The following RAB26 variants were observed in gnomAD, a reference collection of about 807,000 sequenced individuals.
RAB26 encodes the protein ras-related protein Rab-26.
RAB26 carries 39 observed loss-of-function variants against 33.1 expected under a neutral mutation model. That is an observed-to-expected ratio of 1.18 (90% confidence interval 0.91 to 1.54). The LOEUF (loss-of-function observed/expected upper bound fraction) is 1.54. RAB26 is among the 40% of genes most tolerant of loss of function. RAB26 has a pLI of 0.00. For missense variants in RAB26, 468 were observed against 362.9 expected (o/e 1.29, Z -2.35); for synonymous variants, 192 against 151.9 (o/e 1.26, Z -1.94).
intron 5 of RAB26, among the ~76,000 whole-genome samples, chr16:2,152,507 T>G (rs1320895320): frequency 2.6e-5 from 4 of 151,956 alleles, no homozygotes; most frequent in Non-Finnish European, 5.9e-5. Flanking sequence ...CCGTCTCTAC[T>G]AAAGATACAA....
Position 2,148,826 on chromosome 16 carries a change from C to A in RAB26, c.43C>A (p.Pro15Thr), listed in dbSNP as rs867738441. ...KTPKSKGAST[P>T]AASTLPTANG... ...CCCCAAGAGCAAAGGGGCCAGCACC[C>A]CCGCTGCCTCCACGCTGCCCACCGC... Residue 15 changes from proline to threonine, a missense_variant, in exon 1 of 9, where the codon CCC becomes ACC. Physicochemically the swap from Pro to Thr is conservative, Grantham distance 38 (BLOSUM62 -1). Coordinates refer to ENST00000210187, the MANE Select transcript of RAB26 (RefSeq NM_014353.5). 7.1e-7 allele frequency: 1 copy of A among 1,415,644 alleles called. No individual in the cohort carries two copies. Among genetic ancestry groups the A allele is most frequent in the East Asian group, 3.0e-5 (1 of 33,506 alleles). The allele number at this position is 1,415,644 out of a possible 1,614,324, so 87.7% of individuals were successfully genotyped here. A position where few individuals can be genotyped will look rare whatever the true frequency, so the allele number is the denominator to read the frequency against.
Position 2,154,145 on chromosome 16 carries a change from C to G in RAB26, c.*724C>G, listed in dbSNP as rs1000372390. On this transcript the variant is annotated 3_prime_UTR_variant, in exon 9 of 9. Coordinates refer to ENST00000210187, the MANE Select transcript of RAB26 (RefSeq NM_014353.5). ...AATAAAGTTGTGTTTTCTGGAGCGT[C>G]TGTCTCATCTGTTGAAAAAAATCCA... The G allele has an allele frequency of 8.6e-5, 24 of 278,438 alleles. No homozygotes were observed. The highest frequency in any genetic ancestry group is 7.2e-5 in the Non-Finnish European group (10 of 139,704). 17.2% of individuals were successfully genotyped at this position (278,438 alleles called of 1,614,324 possible). A position where few individuals can be genotyped will look rare whatever the true frequency, so the allele number is the denominator to read the frequency against.
chr16:2,150,683 G>C (rs189898935), intron 2 of RAB26, among the ~76,000 whole-genome samples: 2 of 152,272 alleles, frequency 1.3e-5, no homozygotes, highest in African/African-American at 4.8e-5. Flanking sequence ...AGTGCCCGAG[G>C]GGGGCAGGCC....
In RAB26 at chr16:2,153,824, G is replaced by C. The variant is rs62038840; in HGVS notation, c.*403G>C. ...CAGCTAAGGGAGGACGCCTGCCCAC[G>C]CCTGGGACAGAAGGCTTCACTGCTA... On this transcript the variant is annotated 3_prime_UTR_variant, in exon 9 of 9. Transcript: ENST00000210187. 2 of 464,532 alleles carry C rather than the reference G, an allele frequency of 4.3e-6. No individual in the cohort carries two copies. The highest frequency in any genetic ancestry group is 4.3e-6 in the Non-Finnish European group (1 of 232,792). The allele number at this position is 464,532 out of a possible 1,614,324, so 28.8% of individuals were successfully genotyped here.
rs761330239 is a variant in RAB26, at chr16:2,150,014, C to A, written c.269C>A (p.Ala90Glu). Residue 90 changes from alanine (A) to glutamate (E), a missense_variant, in exon 2 of 9, where the codon GCG (alanine) becomes GAG (glutamate). Transcript: ENST00000210187. ...CGATTCAAGGATGGTGCTTTCCTGGCGGGGACCTTCATCTCCACCGTAGGC... is the reference window on the plus strand; with the variant it reads ...CGATTCAAGGATGGTGCTTTCCTGGAGGGGACCTTCATCTCCACCGTAGGC... ...LVRFKDGAFL[A>E]GTFISTVGID... The A allele has an allele frequency of 1.9e-6, 3 of 1,544,730 alleles. No individual in the cohort carries two copies. The highest frequency in any genetic ancestry group is 2.0e-5 in the Admixed American group (1 of 50,166).
At chr16:2,152,160 G>A (rs2093007165) in intron 5 of RAB26, among the ~76,000 whole-genome samples, 1 of 152,244 alleles carries the variant, frequency 6.6e-6, no homozygotes, top group Non-Finnish European at 1.5e-5. Flanking sequence ...CACTTCTAAA[G>A]ACAGGTATCC....
chr16:2,150,022 T>G lies in RAB26; in HGVS notation c.277T>G (p.Phe93Val), dbSNP rs1360235283. The change falls in exon 2 of 9, where the codon TTC becomes GTC. Residue 93 changes from phenylalanine (F) to valine (V), a missense_variant. Transcript: ENST00000210187. ...GGATGGTGCTTTCCTGGCGGGGACCTTCATCTCCACCGTAGGCATTGACTT... is the reference window on the plus strand; with the variant it reads ...GGATGGTGCTTTCCTGGCGGGGACCGTCATCTCCACCGTAGGCATTGACTT... ...FKDGAFLAGT[F>V]ISTVGIDFRN... The G allele has an allele frequency of 6.5e-7, 1 of 1,544,372 alleles. No homozygotes were observed. Among genetic ancestry groups the G allele is most frequent in the Non-Finnish European group, 8.7e-7 (1 of 1,143,542 alleles).
At chr16:2,151,106 C>T in intron 2 of RAB26, 1 of 414,074 alleles carries the variant, frequency 2.4e-6, no homozygotes, top group South Asian at 1.7e-5. Flanking sequence ...CAAGGAGTGG[C>T]TTTAATTTTT....
Position 2,153,240 on chromosome 16 carries a change from C to G in RAB26, c.668+18C>G. 1.2e-6 allele frequency: 2 copies of G among 1,613,568 alleles called. No individual in the cohort carries two copies. The highest frequency in any genetic ancestry group is 1.7e-6 in the Non-Finnish European group (2 of 1,179,844). On this transcript the variant is annotated intron_variant, in intron 8 of 8. Transcript: ENST00000210187. ...ATAGCAAAGTAAGTCCTGCCAGTCA[C>G]CAGGACTCCCCCAGCCCAGGGCCTG...
intron 7 of RAB26, 36 bp from the exon 8 acceptor site, chr16:2,153,110 C>T: frequency 6.2e-7 from 1 of 1,613,178 alleles, no homozygotes; most frequent in East Asian, 2.2e-5. Flanking sequence ...GCTGTCCCCG[C>T]CAGGCCACCA....
In RAB26 at chr16:2,152,030, C is replaced by G. The variant is rs1268114253; in HGVS notation, c.468+122C>G. 5 of 1,375,446 alleles carry G rather than the reference C, an allele frequency of 3.6e-6. No homozygotes were observed. The East Asian group carries it at 1.2e-4, about 34-fold the overall frequency. The allele number at this position is 1,375,446 out of a possible 1,614,324, so 85.2% of individuals were successfully genotyped here. On this transcript the variant is annotated intron_variant, in intron 5 of 8. Transcript: ENST00000210187. ...GCTGAGAGAGGGGAGGGGGAAATGA[C>G]AGCCTTCTGGGCTGGAGGTGGCCCA...
intron 1 of RAB26, among the ~76,000 whole-genome samples, chr16:2,149,697 G>A (rs373481305): frequency 6.6e-6 from 1 of 152,178 alleles, no homozygotes; most frequent in African/African-American, 2.4e-5. Flanking sequence ...CGTTAGGGAG[G>A]GTCCGGGATG....
chr16:2,153,257 C>A (rs2093012683), intron 8 of RAB26, 35 bp downstream of exon 8: 1 of 1,613,512 alleles, frequency 6.2e-7, no homozygotes, highest in East Asian at 2.2e-5. Context: ...TCCCCCAGCC[C>A]AGGGCCTGAA....
chr16:2,153,238 C>A lies in RAB26; in HGVS notation c.668+16C>A. The A allele has an allele frequency of 6.2e-7, 1 of 1,613,590 alleles. No homozygotes were observed. Among genetic ancestry groups the A allele is most frequent in the Non-Finnish European group, 8.5e-7 (1 of 1,179,860 alleles). ...CCATAGCAAAGTAAGTCCTGCCAGTCACCAGGACTCCCCCAGCCCAGGGCC... is the reference window on the plus strand; with the variant it reads ...CCATAGCAAAGTAAGTCCTGCCAGTAACCAGGACTCCCCCAGCCCAGGGCC... On this transcript the variant is annotated intron_variant, in intron 8 of 8. Transcript: ENST00000210187.
Position 2,152,818 on chromosome 16 carries a change from A to G in RAB26, c.469-2A>G, listed in dbSNP as rs367546229. ...CCCAGCCTGGTCTGCTGCCTCCCAC[A>G]GGCCTGGCTGACCGAGATCCACGAG... is the stretch of plus-strand genomic sequence containing the variant. On this transcript the variant is annotated splice_acceptor_variant, in intron 5 of 8. Coordinates refer to ENST00000210187, the MANE Select transcript of RAB26 (RefSeq NM_014353.5). LOFTEE classifies it high-confidence loss of function. 20 of 1,603,574 alleles carry G rather than the reference A, an allele frequency of 1.2e-5. No homozygotes were observed. Among genetic ancestry groups the G allele is most frequent in the Non-Finnish European group, 1.4e-5 (16 of 1,177,014 alleles).
chr16:2,153,018 G>C lies in RAB26; in HGVS notation c.564G>C (p.Lys188Asn), dbSNP rs1235830469. ...ACTCTGCCCATGAGCGTGTGGTGAA[G>C]AGGGAGGACGGGGAGAAGCTGGCCA... ...KVDSAHERVV[K>N]REDGEKLAKE... The change falls in exon 7 of 9, where the codon AAG (lysine) becomes AAC (asparagine). Residue 188 changes from lysine (K) to asparagine (N), a missense_variant. Transcript: ENST00000210187. The C allele has an allele frequency of 8.1e-6, 13 of 1,601,014 alleles. No individual in the cohort carries two copies. Among genetic ancestry groups the C allele is most frequent in the Non-Finnish European group, 1.1e-5 (13 of 1,171,410 alleles).
chr16:2,152,040 G>A lies in RAB26; in HGVS notation c.468+132G>A. On this transcript the variant is annotated intron_variant, in intron 5 of 8. Coordinates refer to ENST00000210187, the MANE Select transcript of RAB26 (RefSeq NM_014353.5). ...GGGAGGGGGAAATGACAGCCTTCTG[G>A]GCTGGAGGTGGCCCAAGTGGACCTG... 4 of 1,286,954 alleles carry A rather than the reference G, an allele frequency of 3.1e-6. 1 individual carries two copies. The highest frequency in any genetic ancestry group is 2.6e-5 in the South Asian group (2 of 75,558). 79.7% of individuals were successfully genotyped at this position (1,286,954 alleles called of 1,614,324 possible).
At position 2,153,360 on chromosome 16, in the gene RAB26, G is replaced by A. The variant is rs200678863; in HGVS notation, c.710G>A (p.Arg237His). ...TCCATGAAGGCTCCCAGCGAGCCGC[G>A]CTTCCGGCTGCATGATTACGTTAAG... is the stretch of plus-strand genomic sequence containing the variant. ...QRSMKAPSEPRFRLHDYVKRE... is the reference protein window; with the variant it reads ...QRSMKAPSEPHFRLHDYVKRE... The change falls in exon 9 of 9, where the codon CGC becomes CAC. Residue 237 changes from arginine to histidine, a missense_variant. Physicochemically the swap from Arg to His is conservative, Grantham distance 29. Transcript: ENST00000210187. The A allele has an allele frequency of 1.5e-5, 25 of 1,613,516 alleles. No individual in the cohort carries two copies. The highest frequency in any genetic ancestry group is 1.6e-4 in the Middle Eastern group (1 of 6,062).
At chr16:2,150,096 T>A in intron 2 of RAB26, 45 bp downstream of exon 2, 1 of 1,484,368 alleles carries the variant, frequency 6.7e-7, no homozygotes, top group Non-Finnish European at 9.1e-7. Context: ...GTCCCGCCGG[T>A]ACCCGAGCAG....
Sources: gnomAD v4.1 joint callset for allele counts (sites outside exome capture counted in the v4.1 genomes callset) on GRCh38, gnomAD v4.1.1 for gene constraint, MANE v1.5 for transcripts, NCBI Gene and HGNC (gene_info 2026-07-23, HGNC 2026-07-21) for gene names.